N4BP2L2: variants seen among roughly 807,000 people sequenced by gnomAD.
N4BP2L2 encodes the protein NEDD4-binding protein 2-like 2.
Under a neutral mutation model 56.2 loss-of-function variants are expected in N4BP2L2, and 50 were observed. The observed-to-expected ratio is 0.89, with a 90% CI of 0.71 to 1.13. The LOEUF (loss-of-function observed/expected upper bound fraction) is 1.13. Among genes scored for constraint, N4BP2L2 ranks in the 50% most tolerant of loss-of-function variants. The pLI is 0.00. For synonymous variants in N4BP2L2, 203 were observed against 223.6 expected, an observed-to-expected ratio of 0.91 and a Z score of 0.82; for missense variants, 689 against 693.8, an observed-to-expected ratio of 0.99 and a Z score of 0.08.
chr13:32,492,272 A>ATTTTTTTTTTTTT (rs1185615708), intron 6 of N4BP2L2, among the ~76,000 whole-genome samples: 5 of 77,042 alleles, frequency 6.5e-5, no homozygotes, highest in African/African-American at 2.9e-4. Context: ...AAAACACCAA[A>ATTTTTTTTTTTTT]ATTTTTTTTT....
chr13:32,490,324 G>A (rs755189900), intron 6 of N4BP2L2, among the ~76,000 whole-genome samples: 2 of 152,094 alleles, frequency 1.3e-5, no homozygotes, highest in Non-Finnish European at 2.9e-5. Context: ...TTGTTTTGGA[G>A]ATGGAGTTTC....
chr13:32,442,871 A>G (rs1244259456), exon 7 of N4BP2L2: 2 of 1,613,486 alleles, frequency 1.2e-6, no homozygotes, highest in Non-Finnish European at 1.7e-6. Context: ...TAAAACCACA[A>G]TGGATGATGA....
chr13:32,450,869 CTT>C (rs1491575044), intron 6 of N4BP2L2, among the ~76,000 whole-genome samples: 1 of 104,814 alleles, frequency 9.5e-6, no homozygotes, highest in Non-Finnish European at 1.9e-5. Context: ...ACCCCATCCC[CTT>C]CTCTCTCTCT....
intron 7 of N4BP2L2, among the ~76,000 whole-genome samples, chr13:32,441,337 T>C (rs183969594): frequency 6.6e-6 from 1 of 152,298 alleles, no homozygotes; most frequent in African/African-American, 2.4e-5. Flanking sequence ...GGAGCTATAA[T>C]AGTGAATGAG....
chr13:32,535,250 C>A (rs1409673558), intron 2 of N4BP2L2, among the ~76,000 whole-genome samples: 1 of 152,228 alleles, frequency 6.6e-6, no homozygotes, highest in Non-Finnish European at 1.5e-5. Context: ...TCACCTCCAA[C>A]TGAACTTGAA....
intron 8 of N4BP2L2, among the ~76,000 whole-genome samples, chr13:32,437,502 C>T (rs1466593705): frequency 6.6e-6 from 1 of 152,146 alleles, no homozygotes; most frequent in African/African-American, 2.4e-5. Flanking sequence ...TGAACAGAAC[C>T]CCAGCCACCC....
chr13:32,524,757 A>AGTTTGTTTGTTT (rs113491635), intron 3 of N4BP2L2: 7 of 151,846 alleles, frequency 4.6e-5, no homozygotes, highest in Admixed American at 6.6e-5. Context: ...ATTCTGTACT[A>AGTTTGTTTGTTT]GTTTGTTTGT....
exon 2 of N4BP2L2, chr13:32,536,521 G>A (rs1566198604): frequency 6.2e-7 from 1 of 1,613,720 alleles, no homozygotes; most frequent in Non-Finnish European, 8.5e-7. Context: ...ATAATTCATT[G>A]TCAATCTCTG....
At chr13:32,481,906 G>T (rs1404926808) in intron 6 of N4BP2L2, among the ~76,000 whole-genome samples, 4 of 152,080 alleles carry the variant, frequency 2.6e-5, no homozygotes, top group Non-Finnish European at 5.9e-5. Context: ...CACTGTCTTT[G>T]TTTTATGTAA....
At chr13:32,436,785 C>CAAAAAAAAAAAAAAAAAAAAAAAAA (rs1174354861) in intron 8 of N4BP2L2, among the ~76,000 whole-genome samples, 1 of 44,970 alleles carries the variant, frequency 2.2e-5, no homozygotes, top group African/African-American at 7.9e-5. Flanking sequence ...GTGTGACTGT[C>CAAAAAAAAAAAAAAAAAAAAAAAAA]AAAAAAAAAA....
At chr13:32,461,952 G>C (rs2080169082) in intron 6 of N4BP2L2, among the ~76,000 whole-genome samples, 1 of 152,166 alleles carries the variant, frequency 6.6e-6, no homozygotes. Context: ...CAGATGCTGG[G>C]GAGGATATGG....
At chr13:32,442,728 T>C (rs535875974) in exon 7 of N4BP2L2, 4 of 1,613,554 alleles carry the variant, frequency 2.5e-6, no homozygotes, top group Non-Finnish European at 3.4e-6. Flanking sequence ...AAATACTAGA[T>C]AAATTATGTA....
exon 6 of N4BP2L2, chr13:32,511,692 T>C (rs2048173824): frequency 6.6e-6 from 1 of 152,108 alleles, no homozygotes; most frequent in Admixed American, 6.6e-5. Flanking sequence ...AAAGATATTA[T>C]CTCCCGCTTT....
At chr13:32,468,486 AAAAGT>A (rs1295799099) in intron 6 of N4BP2L2, among the ~76,000 whole-genome samples, 2 of 152,228 alleles carry the variant, frequency 1.3e-5, no homozygotes, top group Admixed American at 6.5e-5. Flanking sequence ...AGCGAAGAAC[AAAAGT>A]AAAGAGGTAC....
intron 2 of N4BP2L2, among the ~76,000 whole-genome samples, chr13:32,533,905 A>G (rs1464710946): frequency 6.6e-6 from 1 of 152,254 alleles, no homozygotes; most frequent in African/African-American, 2.4e-5. Flanking sequence ...CAGTTCACTC[A>G]AAACGTGTTG....
chr13:32,526,005 C>A (rs536280336), intron 3 of N4BP2L2, among the ~76,000 whole-genome samples: 1 of 112,262 alleles, frequency 8.9e-6, no homozygotes, highest in Admixed American at 1.3e-4. Flanking sequence ...TTACTAAGAA[C>A]AGGACAACCA....
chr13:32,523,440 C>T (rs1301338518), intron 3 of N4BP2L2: 2 of 147,420 alleles, frequency 1.4e-5, no homozygotes, highest in African/African-American at 5.0e-5. Context: ...TAATCCTAGT[C>T]CTTAGGGAGG....
At chr13:32,437,850 G>T (rs2075702647) in intron 8 of N4BP2L2, among the ~76,000 whole-genome samples, 1 of 152,144 alleles carries the variant, frequency 6.6e-6, no homozygotes. Context: ...GGAATTAAAT[G>T]TAACCTTCTC....
exon 2 of N4BP2L2, chr13:32,536,069 T>C (rs2056476211): frequency 1.2e-6 from 2 of 1,613,952 alleles, no homozygotes; most frequent in Non-Finnish European, 1.7e-6. Context: ...ATGACAATTA[T>C]TTACATAATA....
Sources: allele counts gnomAD v4.1 joint callset (sites outside exome capture counted in the v4.1 genomes callset), GRCh38; gene constraint gnomAD v4.1.1; transcripts MANE v1.5; gene names NCBI Gene and HGNC (gene_info 2026-07-23, HGNC 2026-07-21).